Variants in LAMA3 observed in about 807,000 individuals in gnomAD.
The protein encoded by LAMA3 is laminin subunit alpha 3, also known as laminin subunit alpha-3.
LAMA3 carries 281 observed loss-of-function variants against 402.0 expected under a neutral mutation model. That is an observed-to-expected ratio of 0.70 (90% CI 0.63 to 0.77). The LOEUF (loss-of-function observed/expected upper bound fraction) is 0.77, where lower values mean the gene tolerates loss of function less well. Ranked by LOEUF, LAMA3 falls within the 30% of genes least tolerant of loss-of-function variation. The pLI, the probability that LAMA3 is intolerant of heterozygous loss-of-function variation, is 0.00. For missense variants in LAMA3, 3,840 were observed against 4,215.5 expected, an observed-to-expected ratio of 0.91 and a Z score of 2.47; for synonymous variants, 1,431 against 1,558.4, an observed-to-expected ratio of 0.92 and a Z score of 1.93.
chr18:23,788,264 TATA>T (rs1277476987), intron 12 of LAMA3, among the ~76,000 whole-genome samples: 17 of 151,926 alleles, frequency 1.1e-4, no homozygotes, highest in Non-Finnish European at 1.0e-4. Context: ...ACATAATATG[TATA>T]ATAACAATAG....
intron 23 of LAMA3, among the ~76,000 whole-genome samples, chr18:23,829,021 A>T (rs1231180854): frequency 6.6e-6 from 1 of 152,204 alleles, no homozygotes; most frequent in Admixed American, 6.5e-5. Context: ...ATCTCCAGTG[A>T]GGTCTGGGAT....
intron 38 of LAMA3, among the ~76,000 whole-genome samples, chr18:23,874,437 TA>T (rs1258023809): frequency 3.3e-5 from 5 of 152,260 alleles, no homozygotes; most frequent in Non-Finnish European, 7.3e-5. Flanking sequence ...TATAACAACA[TA>T]ATCTATTTAT....
At chr18:23,701,490 A>G (rs983651820) in intron 1 of LAMA3, among the ~76,000 whole-genome samples, 4 of 152,350 alleles carry the variant, frequency 2.6e-5, no homozygotes, top group Non-Finnish European at 5.9e-5. Context: ...GTCTGCAATT[A>G]CTGCCTTCCT....
intron 18 of LAMA3, among the ~76,000 whole-genome samples, chr18:23,817,638 C>T (rs2063202164): frequency 6.6e-6 from 1 of 152,086 alleles, no homozygotes; most frequent in Admixed American, 6.5e-5. Context: ...TAGCTTGAGC[C>T]CAGGAGTTTG....
At chr18:23,707,101 G>C (rs1022183837) in intron 1 of LAMA3, among the ~76,000 whole-genome samples, 1 of 152,126 alleles carries the variant, frequency 6.6e-6, no homozygotes, top group Non-Finnish European at 1.5e-5. Context: ...AACAAAAACA[G>C]TTTTTTCTCT....
intron 68 of LAMA3, among the ~76,000 whole-genome samples, chr18:23,942,701 C>A (rs542269457): frequency 7.2e-5 from 11 of 152,050 alleles, no homozygotes; most frequent in Non-Finnish European, 1.6e-4. Flanking sequence ...CCTCAGCCTC[C>A]CAAGTTAGTT....
intron 1 of LAMA3, chr18:23,709,759 T>C (rs2060954959): frequency 1.8e-6 from 1 of 555,050 alleles, no homozygotes; most frequent in Admixed American, 2.1e-5. Flanking sequence ...GCTCCACAAG[T>C]TTGATTGTCT....
At chr18:23,854,357 C>T (rs899386528) in intron 32 of LAMA3, among the ~76,000 whole-genome samples, 2 of 152,134 alleles carry the variant, frequency 1.3e-5, no homozygotes, top group East Asian at 1.9e-4. Flanking sequence ...AAATACAAAA[C>T]GTGGCCAGGT....
chr18:23,689,848 C>G lies in LAMA3; in HGVS notation c.165C>G (p.Ala55=). The G allele has an allele frequency of 1.3e-6, 2 of 1,552,784 alleles. No homozygotes were observed. Among genetic ancestry groups the G allele is most frequent in the Non-Finnish European group, 1.7e-6 (2 of 1,148,828 alleles). The part of the protein sequence containing the change: ...LSLHPTYFNL[A]EAARIWATAT... ...TTCACCCGACTTACTTCAACCTGGC[C>G]GAGGCGGCGAGGATTTGGGCCACCG... is the stretch of plus-strand genomic sequence containing the variant. The change falls in exon 1 of 75, where the codon GCC becomes GCG. Residue 55 remains alanine (A), a synonymous_variant. Coordinates refer to ENST00000313654, the MANE Select transcript of LAMA3 (RefSeq NM_198129.4).
chr18:23,695,061 G>T (rs1284172408), intron 1 of LAMA3, among the ~76,000 whole-genome samples: 1 of 152,212 alleles, frequency 6.6e-6, no homozygotes, highest in Non-Finnish European at 1.5e-5. Flanking sequence ...TCTTCTGGAA[G>T]ACAGGTGTGG....
chr18:23,865,994 G>A (rs774862909), intron 36 of LAMA3, among the ~76,000 whole-genome samples: 2 of 152,160 alleles, frequency 1.3e-5, no homozygotes, highest in Non-Finnish European at 2.9e-5. Context: ...CACCATGCCC[G>A]GCTAATTTTT....
chr18:23,710,775 C>T (rs930050555), intron 1 of LAMA3, among the ~76,000 whole-genome samples: 7 of 151,822 alleles, frequency 4.6e-5, no homozygotes, highest in Non-Finnish European at 4.4e-5. Flanking sequence ...TCACCCTGAC[C>T]GTTTAAGAGT....
intron 50 of LAMA3, among the ~76,000 whole-genome samples, chr18:23,904,322 A>G (rs2081170156): frequency 6.6e-6 from 1 of 152,154 alleles, no homozygotes; most frequent in Non-Finnish European, 1.5e-5. Flanking sequence ...TCAGGTATCC[A>G]CTTACCAAAT....
chr18:23,924,754 GCTGGTCTCGAACTCCTGA>G (rs1304107385), intron 62 of LAMA3, among the ~76,000 whole-genome samples: 1 of 151,824 alleles, frequency 6.6e-6, no homozygotes, highest in African/African-American at 2.4e-5. Flanking sequence ...TGTTGGTCTG[GCTGGTCTCGAACTCCTGA>G]CCTCAGGTGA....
At chr18:23,904,456 A>G in intron 50 of LAMA3, 97 bp from the exon 51 acceptor site, 2 of 1,314,800 alleles carry the variant, frequency 1.5e-6, no homozygotes, top group Admixed American at 2.5e-5. Context: ...AAAAAAAAGA[A>G]AGAAAAAATA....
intron 8 of LAMA3, among the ~76,000 whole-genome samples, chr18:23,769,990 G>A (rs765719472): frequency 1.3e-5 from 2 of 152,162 alleles, no homozygotes; most frequent in Non-Finnish European, 2.9e-5. Context: ...AAGACAAAGA[G>A]CATTAACACA....
intron 2 of LAMA3, among the ~76,000 whole-genome samples, chr18:23,746,163 G>T (rs1217411186): frequency 6.6e-6 from 1 of 152,206 alleles, no homozygotes; most frequent in Non-Finnish European, 1.5e-5. Flanking sequence ...CAACTCGGGA[G>T]TGTTAATCTG....
chr18:23,718,486 A>C (rs2061150782), intron 2 of LAMA3, among the ~76,000 whole-genome samples: 1 of 152,220 alleles, frequency 6.6e-6, no homozygotes, highest in Non-Finnish European at 1.5e-5. Flanking sequence ...TTTGTTATTT[A>C]AACCTGTTAG....
At chr18:23,793,201 T>A (rs1426914500) in intron 12 of LAMA3, among the ~76,000 whole-genome samples, 2 of 151,870 alleles carry the variant, frequency 1.3e-5, no homozygotes, top group African/African-American at 4.8e-5. Context: ...CTGGGGTGAT[T>A]AGGGCAGGGA....
Sources: allele counts gnomAD v4.1 joint callset (sites outside exome capture counted in the v4.1 genomes callset), GRCh38; gene constraint gnomAD v4.1.1; transcripts MANE v1.5; gene names NCBI Gene and HGNC (gene_info 2026-07-23, HGNC 2026-07-21).